The following TRPC7 variants were observed in gnomAD, a reference collection of about 807,000 sequenced individuals.
TRPC7 encodes short transient receptor potential channel 7.
TRPC7 carries 42 observed loss-of-function variants against 90.1 expected under a neutral mutation model. The ratio of observed to expected loss-of-function variants is 0.47; its 90% CI spans 0.36 to 0.60. The LOEUF (loss-of-function observed/expected upper bound fraction) is 0.60. Among genes scored for constraint, TRPC7 ranks in the 20% least tolerant of loss-of-function variants. The pLI, the probability that TRPC7 is intolerant of heterozygous loss-of-function variation, is 0.00. For synonymous variants in TRPC7, 451 were observed against 436.3 expected (o/e 1.03, Z -0.42); for missense variants, 955 against 1,112.3 (o/e 0.86, Z 2.01).
chr5:136,244,442 T>C (rs1359443722), intron 7 of TRPC7, among the ~76,000 whole-genome samples: 2 of 152,182 alleles, frequency 1.3e-5, no homozygotes, highest in Admixed American at 6.6e-5. Flanking sequence ...CAGAGAATAC[T>C]CTGGGCAGTA....
chr5:136,250,608 A>G (rs141996771), intron 6 of TRPC7, among the ~76,000 whole-genome samples: 93 of 152,364 alleles, frequency 6.1e-4, no homozygotes, highest in African/African-American at 1.9e-3. Flanking sequence ...TTATTTTAAA[A>G]TAAGTAAGCA....
chr5:136,233,400 A>T (rs1019313489), intron 7 of TRPC7, among the ~76,000 whole-genome samples: 1 of 152,182 alleles, frequency 6.6e-6, no homozygotes, highest in South Asian at 2.1e-4. Context: ...AAAAGATGTC[A>T]TCCACCCTGT....
chr5:136,339,883 G>A (rs956114187), intron 2 of TRPC7, among the ~76,000 whole-genome samples: 1 of 149,494 alleles, frequency 6.7e-6, no homozygotes. Flanking sequence ...CAAAGTGAGA[G>A]GATGTCCTCT....
At chr5:136,346,575 G>T (rs1332809219) in intron 2 of TRPC7, among the ~76,000 whole-genome samples, 1 of 151,826 alleles carries the variant, frequency 6.6e-6, no homozygotes, top group South Asian at 2.1e-4. Flanking sequence ...CAACACACAC[G>T]GACACACACA....
intron 3 of TRPC7, among the ~76,000 whole-genome samples, chr5:136,305,126 C>T (rs1013295027): frequency 6.6e-6 from 1 of 152,158 alleles, no homozygotes; most frequent in African/African-American, 2.4e-5. Flanking sequence ...TTGTTAAGTC[C>T]CACAATTACC....
chr5:136,252,090 A>G (rs922140718), intron 5 of TRPC7, among the ~76,000 whole-genome samples: 8 of 152,206 alleles, frequency 5.3e-5, no homozygotes, highest in African/African-American at 1.7e-4. Flanking sequence ...TTACGAACAC[A>G]CTGTCTCTGC....
chr5:136,322,546 T>C (rs1401035900), intron 2 of TRPC7, among the ~76,000 whole-genome samples: 1 of 152,144 alleles, frequency 6.6e-6, no homozygotes, highest in Non-Finnish European at 1.5e-5. Flanking sequence ...CCTGTTTTTA[T>C]TTTCATTTTT....
At chr5:136,354,248 T>C (rs779271269) in intron 2 of TRPC7, among the ~76,000 whole-genome samples, 10 of 152,116 alleles carry the variant, frequency 6.6e-5, no homozygotes, top group Non-Finnish European at 1.3e-4. Context: ...GTAGGTAAGG[T>C]TTACTGTACA....
chr5:136,318,643 C>T (rs1759101560), intron 2 of TRPC7, among the ~76,000 whole-genome samples: 2 of 152,148 alleles, frequency 1.3e-5, no homozygotes, highest in South Asian at 4.1e-4. Flanking sequence ...TTTCTGATGA[C>T]CTAATTCCCA....
At chr5:136,291,513 T>A (rs1019613487) in intron 3 of TRPC7, among the ~76,000 whole-genome samples, 4 of 152,076 alleles carry the variant, frequency 2.6e-5, no homozygotes, top group Non-Finnish European at 5.9e-5. Context: ...TAAAACAGAC[T>A]TTAAACCAAC....
chr5:136,260,017 G>A (rs559597134), intron 5 of TRPC7, among the ~76,000 whole-genome samples: 133 of 152,310 alleles, frequency 8.7e-4, no homozygotes, highest in African/African-American at 3.0e-3. Context: ...CAAAGTATGT[G>A]GAGGAAAGGA....
intron 7 of TRPC7, among the ~76,000 whole-genome samples, chr5:136,235,588 T>C (rs1755957338): frequency 6.6e-6 from 1 of 152,150 alleles, no homozygotes; most frequent in Non-Finnish European, 1.5e-5. Flanking sequence ...TCATCCACAA[T>C]TTTCATGAGC....
intron 3 of TRPC7, among the ~76,000 whole-genome samples, chr5:136,289,376 G>C (rs1757849720): frequency 6.6e-6 from 1 of 152,266 alleles, no homozygotes; most frequent in Admixed American, 6.5e-5. Flanking sequence ...CAAGGAGTCA[G>C]GGAATTCCCT....
intron 2 of TRPC7, among the ~76,000 whole-genome samples, chr5:136,331,963 G>A (rs1173050460): frequency 6.6e-6 from 1 of 151,868 alleles, no homozygotes; most frequent in Non-Finnish European, 1.5e-5. Context: ...GCAGAGGTAA[G>A]CAGAGGGTTT....
intron 3 of TRPC7, among the ~76,000 whole-genome samples, chr5:136,285,521 TG>T (rs980038126): frequency 9.8e-5 from 15 of 152,334 alleles, no homozygotes; most frequent in African/African-American, 2.9e-4. Context: ...TGGGCCAGTG[TG>T]GGTCTAATTT....
At chr5:136,357,521 G>A (rs1760431533) in intron 1 of TRPC7, 136 bp from the exon 2 acceptor site, 2 of 950,282 alleles carry the variant, frequency 2.1e-6, no homozygotes, top group South Asian at 3.6e-5. Flanking sequence ...ACAAATCATT[G>A]TCTTAATCAT....
At chr5:136,266,489 GTCTT>G (rs1757037616) in intron 4 of TRPC7, 53 bp from the exon 5 acceptor site, 4 of 1,496,788 alleles carry the variant, frequency 2.7e-6, no homozygotes, top group Non-Finnish European at 2.7e-6. Flanking sequence ...GTGGATGTAG[GTCTT>G]TCTTTATAAC....
At chr5:136,254,597 T>A (rs1756631955) in intron 5 of TRPC7, among the ~76,000 whole-genome samples, 1 of 152,230 alleles carries the variant, frequency 6.6e-6, no homozygotes, top group South Asian at 2.1e-4. Flanking sequence ...TTACTGCTCA[T>A]GGACAATGCA....
At chr5:136,341,350 A>T (rs1338034667) in intron 2 of TRPC7, among the ~76,000 whole-genome samples, 1 of 152,098 alleles carries the variant, frequency 6.6e-6, no homozygotes, top group Non-Finnish European at 1.5e-5. Flanking sequence ...GCCAGATTTT[A>T]TTATTAATTA....
Sources: gnomAD v4.1 joint callset for allele counts (sites outside exome capture counted in the v4.1 genomes callset) on GRCh38, gnomAD v4.1.1 for gene constraint, MANE v1.5 for transcripts, NCBI Gene and HGNC (gene_info 2026-07-23, HGNC 2026-07-21) for gene names.